Variants in DCAF1 observed in about 807,000 individuals in gnomAD.
The protein encoded by DCAF1 is DDB1- and CUL4-associated factor 1.
DCAF1 carries 15 observed loss-of-function variants against 128.0 expected under a neutral mutation model. That is an observed-to-expected ratio of 0.12 (90% CI 0.08 to 0.18). DCAF1 has a LOEUF of 0.18. Among genes scored for constraint, DCAF1 ranks in the 10% least tolerant of loss-of-function variants. The pLI, the probability that DCAF1 is intolerant of heterozygous loss-of-function variation, is 1.00. For synonymous variants in DCAF1, 610 were observed against 603.0 expected, an observed-to-expected ratio of 1.01 and a Z score of -0.17; for missense variants, 988 against 1,649.5, an observed-to-expected ratio of 0.60 and a Z score of 6.95.
intron 2 of DCAF1, among the ~76,000 whole-genome samples, chr3:51,490,385 C>T (rs1707490694): frequency 6.6e-6 from 1 of 152,098 alleles, no homozygotes; most frequent in Non-Finnish European, 1.5e-5. Context: ...GAACCAAGAT[C>T]GCACCACTGC....
intron 2 of DCAF1, among the ~76,000 whole-genome samples, chr3:51,486,991 CAG>C (rs1436209805): frequency 8.6e-5 from 12 of 140,322 alleles, no homozygotes; most frequent in Admixed American, 3.7e-4. Flanking sequence ...TTTTTTAAGA[CAG>C]AGTCACACTC....
intron 3 of DCAF1, among the ~76,000 whole-genome samples, chr3:51,475,774 T>C (rs553069147): frequency 2.0e-5 from 3 of 151,902 alleles, no homozygotes; most frequent in South Asian, 4.2e-4. Context: ...GGCAGGAGAA[T>C]GGCGTGAACC....
At chr3:51,426,039 A>C (rs1553633998) in intron 13 of DCAF1, among the ~76,000 whole-genome samples, 1 of 152,074 alleles carries the variant, frequency 6.6e-6, no homozygotes, top group Non-Finnish European at 1.5e-5. Context: ...TTCCTTTTGC[A>C]CTCTCATTCT....
intron 19 of DCAF1, among the ~76,000 whole-genome samples, chr3:51,414,247 G>GA (rs1179530454): frequency 6.6e-6 from 1 of 152,162 alleles, no homozygotes; most frequent in Non-Finnish European, 1.5e-5. Flanking sequence ...TCATATACAG[G>GA]AATGCTTTAT....
At chr3:51,457,814 C>T (rs9868612) in intron 6 of DCAF1, among the ~76,000 whole-genome samples, 1,888 of 152,194 alleles carry the variant, frequency 0.012, 44 homozygotes, top group African/African-American at 0.038. Context: ...AGCCAAACTA[C>T]GCTTCATAAG....
At chr3:51,403,518 C>T (rs1219255644) in intron 23 of DCAF1, 123 bp from the exon 24 acceptor site, 139 of 1,446,710 alleles carry the variant, frequency 9.6e-5, no homozygotes, top group South Asian at 2.3e-4. Flanking sequence ...GTGATCTAGA[C>T]GAGCACAGAC....
intron 15 of DCAF1, 95 bp downstream of exon 15, chr3:51,419,639 T>C (rs1331877133): frequency 6.6e-6 from 10 of 1,504,606 alleles, no homozygotes; most frequent in East Asian, 4.6e-5. Flanking sequence ...TAACAATCAG[T>C]GGTATTTCAG....
chr3:51,462,544 G>A (rs782301700), intron 6 of DCAF1, among the ~76,000 whole-genome samples: 5 of 152,016 alleles, frequency 3.3e-5, no homozygotes, highest in South Asian at 2.1e-4. Context: ...TCAGGAGTTC[G>A]AGGCCAACCT....
chr3:51,476,920 A>T (rs1381008283), intron 3 of DCAF1, among the ~76,000 whole-genome samples: 7 of 151,496 alleles, frequency 4.6e-5, no homozygotes, highest in African/African-American at 7.3e-5. Flanking sequence ...TGTCTCTATT[A>T]AAAAAAACAC....
intron 5 of DCAF1, among the ~76,000 whole-genome samples, 173 bp from the exon 6 acceptor site, chr3:51,463,400 G>T (rs1385900263): frequency 2.6e-5 from 4 of 152,128 alleles, no homozygotes; most frequent in African/African-American, 9.7e-5. Flanking sequence ...AAACACTTAT[G>T]ATCTTGCTGA....
At chr3:51,432,224 T>A (rs1458975063) in intron 10 of DCAF1, among the ~76,000 whole-genome samples, 3 of 131,488 alleles carry the variant, frequency 2.3e-5, no homozygotes, top group African/African-American at 8.7e-5. Flanking sequence ...TGAGCCAAGA[T>A]GGCACCACTG....
At chr3:51,502,994 T>C (rs1553664641), upstream of DCAF1, among the ~76,000 whole-genome samples, 1 of 152,118 alleles carries the variant, frequency 6.6e-6, no homozygotes. Flanking sequence ...TACTTTCACA[T>C]CTAAGCATAT....
intron 7 of DCAF1, among the ~76,000 whole-genome samples, chr3:51,442,513 C>T (rs1553639112): frequency 6.6e-6 from 1 of 152,000 alleles, no homozygotes; most frequent in African/African-American, 2.4e-5. Flanking sequence ...GACTGGCCAA[C>T]ATGGTGAAAC....
At chr3:51,501,343 A>C (rs1379664508), upstream of DCAF1, among the ~76,000 whole-genome samples, 12 of 151,958 alleles carry the variant, frequency 7.9e-5, no homozygotes, top group African/African-American at 2.9e-4. Flanking sequence ...GAACCAGAGG[A>C]CTCCTTACTC....
intron 3 of DCAF1, among the ~76,000 whole-genome samples, chr3:51,483,347 G>A (rs1706491291): frequency 6.6e-6 from 1 of 151,696 alleles, no homozygotes; most frequent in Non-Finnish European, 1.5e-5. Flanking sequence ...GGCTGAGGCA[G>A]GAGAACCCCT....
intron 3 of DCAF1, among the ~76,000 whole-genome samples, chr3:51,474,812 TCTCA>T (rs1417876248): frequency 7.4e-6 from 1 of 134,328 alleles, no homozygotes. Context: ...TGAGATGGAG[TCTCA>T]CTCTGTCGCC....
At chr3:51,442,640 A>G (rs1188094014) in intron 7 of DCAF1, among the ~76,000 whole-genome samples, 1 of 152,108 alleles carries the variant, frequency 6.6e-6, no homozygotes, top group African/African-American at 2.4e-5. Flanking sequence ...TGGAGGTTGC[A>G]GTGAGCCGAG....
In DCAF1 at chr3:51,453,237, C is replaced by T. The variant is rs1395942369; in HGVS notation, c.376-9334G>A. Among the ~76,000 whole-genome samples, 4 of 152,118 alleles carry T rather than the reference C, an allele frequency of 2.6e-5. No individual in the cohort carries two copies. In the East Asian group the frequency reaches 7.7e-4, roughly 29 times the overall value. On this transcript the variant is annotated intron_variant, in intron 6 of 24. Coordinates refer to ENST00000684031, the MANE Select transcript of DCAF1 (RefSeq NM_001387579.1). ...ACAACGTTATTCTCTAAAATACTTTCTGTGGCACAATTATTCTGCAATAAA... is the reference window on the plus strand; with the variant it reads ...ACAACGTTATTCTCTAAAATACTTTTTGTGGCACAATTATTCTGCAATAAA...
At chr3:51,446,856 A>G (rs79414294) in intron 6 of DCAF1, among the ~76,000 whole-genome samples, 11,104 of 150,294 alleles carry the variant, frequency 0.074, 963 homozygotes, top group East Asian at 0.33. Context: ...AGCTACTCAG[A>G]AGGCTGAGGC....
Sources: allele counts gnomAD v4.1 joint callset (sites outside exome capture counted in the v4.1 genomes callset), GRCh38; gene constraint gnomAD v4.1.1; transcripts MANE v1.5; gene names NCBI Gene and HGNC (gene_info 2026-07-23, HGNC 2026-07-21).